The following NEURL1B variants were observed in gnomAD, a reference collection of about 807,000 sequenced individuals.
The protein encoded by NEURL1B is E3 ubiquitin-protein ligase NEURL1B.
In NEURL1B, 13 loss-of-function variants were observed where a neutral mutation model predicts 37.4. The ratio of observed to expected loss-of-function variants is 0.35; its 90% CI spans 0.23 to 0.55. The LOEUF (loss-of-function observed/expected upper bound fraction) is 0.55, where lower values mean the gene tolerates loss of function less well. Ranked by LOEUF, NEURL1B falls within the 20% of genes least tolerant of loss-of-function variation. The pLI is 0.89. For missense variants in NEURL1B, 790 were observed against 879.2 expected, an observed-to-expected ratio of 0.90 and a Z score of 1.28; for synonymous variants, 432 against 426.6, an observed-to-expected ratio of 1.01 and a Z score of -0.16.
chr5:172,684,572 G>A (rs1758446541), intron 3 of NEURL1B, among the ~76,000 whole-genome samples: 1 of 152,152 alleles, frequency 6.6e-6, no homozygotes, highest in Non-Finnish European at 1.5e-5. Context: ...AGTAAGTGTA[G>A]GGAAAAAATA....
chr5:172,659,869 C>G (rs925016354), intron 1 of NEURL1B, among the ~76,000 whole-genome samples: 2 of 152,222 alleles, frequency 1.3e-5, no homozygotes, highest in Non-Finnish European at 2.9e-5. Flanking sequence ...GTCATCCTCC[C>G]AGCCCTGCTT....
chr5:172,670,093 A>G lies in NEURL1B; in HGVS notation c.340A>G (p.Ile114Val). ...HDPSLMSAQD[I>V]PKYACPDLVT... is the part of the protein sequence containing the mutation. The stretch of plus-strand genomic sequence containing the variant: ...TCCGTCGCTCATGAGCGCCCAGGAC[A>G]TCCCCAAGTACGCCTGCCCGGACCT... The change falls in exon 2 of 5, where the codon ATC becomes GTC. Residue 114 changes from isoleucine (I) to valine (V), a missense_variant. Ile to Val is a conservative substitution (Grantham distance 29). Around this residue, in one of 3 missense-constraint regions of NEURL1B, gnomAD observed 215 missense variants for 309.2 expected, o/e 0.70. Coordinates refer to ENST00000369800, the MANE Select transcript of NEURL1B (RefSeq NM_001142651.3). 1 of 1,525,706 alleles carries G rather than the reference A, an allele frequency of 6.6e-7. No homozygotes were observed. The allele number at this position is 1,525,706 out of a possible 1,614,324, so 94.5% of individuals were successfully genotyped here. A position where few individuals can be genotyped will look rare whatever the true frequency, so the allele number is the denominator to read the frequency against.
chr5:172,682,857 CCT>C (rs1178472578), intron 2 of NEURL1B, among the ~76,000 whole-genome samples: 7 of 152,186 alleles, frequency 4.6e-5, no homozygotes, highest in Non-Finnish European at 1.0e-4. Context: ...TTCCCCAACC[CCT>C]CTGTGCCTCA....
Position 172,670,144 on chromosome 5 carries a change from A to G in NEURL1B, c.391A>G (p.Lys131Glu). The G allele has an allele frequency of 6.6e-7, 1 of 1,507,818 alleles. No homozygotes were observed. The highest frequency in any genetic ancestry group is 8.8e-7 in the Non-Finnish European group (1 of 1,134,976). The allele number at this position is 1,507,818 out of a possible 1,614,324, so 93.4% of individuals were successfully genotyped here. The change falls in exon 2 of 5, where the codon AAG becomes GAG. Residue 131 changes from lysine to glutamate, a missense_variant. Lys to Glu is a moderately conservative substitution (Grantham distance 56). Transcript: ENST00000369800. ...DLVTRPGYWA[K>E]ALPENLALRD... Reference sequence around the variant, plus strand: ...GGTCACGCGGCCGGGCTACTGGGCCAAGGCACTGCCCGAGAACCTGGCGCT... The same window carrying G: ...GGTCACGCGGCCGGGCTACTGGGCCGAGGCACTGCCCGAGAACCTGGCGCT...
intron 1 of NEURL1B, 132 bp from the exon 2 acceptor site, chr5:172,669,653 C>G: frequency 1.4e-6 from 1 of 697,350 alleles, no homozygotes; most frequent in East Asian, 4.6e-5. Context: ...AAGCCTGGAA[C>G]CTTCTTAAGT....
intron 2 of NEURL1B, among the ~76,000 whole-genome samples, chr5:172,674,474 G>GT (rs1758190444): frequency 6.6e-6 from 1 of 152,104 alleles, no homozygotes; most frequent in African/African-American, 2.4e-5. Context: ...CACCAAGACG[G>GT]TCAGTGGCAG....
chr5:172,654,312 C>T (rs1189626577), intron 1 of NEURL1B, among the ~76,000 whole-genome samples: 2 of 152,226 alleles, frequency 1.3e-5, no homozygotes, highest in Admixed American at 6.5e-5. Flanking sequence ...AGGCAATTTT[C>T]CTAACTCTGC....
chr5:172,670,273 G>T lies in NEURL1B; in HGVS notation c.520G>T (p.Gly174Cys), dbSNP rs1484742957. The T allele has an allele frequency of 7.2e-7, 1 of 1,389,666 alleles. No individual in the cohort carries two copies. The allele number at this position is 1,389,666 out of a possible 1,614,324, so 86.1% of individuals were successfully genotyped here. A position where few individuals can be genotyped will look rare whatever the true frequency, so the allele number is the denominator to read the frequency against. ...CTTCCACTGCGGCGTGGCCGTGGGC[G>T]GCCCGCTCTGGGCGCTCATTGATGT... ...VLFHCGVAVG[G>C]PLWALIDVYG... The change falls in exon 2 of 5, where the codon GGC becomes TGC. Residue 174 changes from glycine to cysteine, a missense_variant. By Grantham distance (159) the Gly-to-Cys change is radical. Coordinates refer to ENST00000369800, the MANE Select transcript of NEURL1B (RefSeq NM_001142651.3).
chr5:172,684,011 C>G lies in NEURL1B; in HGVS notation c.1170C>G (p.Pro390=), dbSNP rs112592894. Residue 390 remains proline (P), a synonymous_variant, in exon 3 of 5, where the codon CCC becomes CCG. Transcript: ENST00000369800. ...ACGCGCTCAGCTTCACGCTGCGGCC[C>G]GGCGGCGACGTGCTCCTGGGCATCA... ...GGDALSFTLR[P]GGDVLLGING... 12 of 1,334,248 alleles carry G rather than the reference C, an allele frequency of 9.0e-6. No homozygotes were observed. Among genetic ancestry groups the G allele is most frequent in the Admixed American group, 3.6e-5 (1 of 27,826 alleles). The allele number at this position is 1,334,248 out of a possible 1,614,324, so 82.7% of individuals were successfully genotyped here.
In NEURL1B at chr5:172,657,058, C is replaced by T. The variant is rs1248952471; in HGVS notation, c.32-12727C>T. Among the ~76,000 whole-genome samples, 3 of 152,178 alleles carry T rather than the reference C, an allele frequency of 2.0e-5. No homozygotes were observed. Among genetic ancestry groups the T allele is most frequent in the Non-Finnish European group, 4.4e-5 (3 of 68,030 alleles). On this transcript the variant is annotated intron_variant, in intron 1 of 4. Transcript: ENST00000369800. The surrounding 1 kb of genome is among the most constrained non-coding windows in gnomAD (Gnocchi z 4.0). The stretch of plus-strand genomic sequence containing the variant: ...ACTATTTGAGTCAGTCCCTCACGTC[C>T]CCATGATGGATGACTGGTTGGCTAG...
intron 2 of NEURL1B, among the ~76,000 whole-genome samples, chr5:172,682,946 G>A (rs1299994615): frequency 2.6e-5 from 4 of 152,212 alleles, no homozygotes; most frequent in Non-Finnish European, 5.9e-5. Context: ...ATGAGGTAGC[G>A]CGCGAAAGCT....
Position 172,686,078 on chromosome 5 carries a change from G to A in NEURL1B, c.1298-93G>A, listed in dbSNP as rs1758488900. The stretch of plus-strand genomic sequence containing the variant: ...GATACCTCTGGTCCTCTCGTTAGAC[G>A]GGAAAGCTAAGGTGCAAAGCAGTGA... On this transcript the variant is annotated intron_variant, in intron 3 of 4. Transcript: ENST00000369800. The surrounding 1 kb of genome is among the most constrained non-coding windows in gnomAD (Gnocchi z 7.9). 12 of 1,453,448 alleles carry A rather than the reference G, an allele frequency of 8.3e-6. No homozygotes were observed. In the South Asian group the frequency reaches 1.1e-4, roughly 13 times the overall value. 90.0% of individuals were successfully genotyped at this position (1,453,448 alleles called of 1,614,324 possible).
At chr5:172,669,697 C>A in intron 1 of NEURL1B, 88 bp from the exon 2 acceptor site, 1 of 1,008,598 alleles carries the variant, frequency 9.9e-7, no homozygotes, top group Non-Finnish European at 1.3e-6. Context: ...AATGGAATTT[C>A]AAATGAAAAT....
intron 1 of NEURL1B, among the ~76,000 whole-genome samples, chr5:172,646,752 G>C (rs1271750928): frequency 6.6e-6 from 1 of 152,152 alleles, no homozygotes; most frequent in Non-Finnish European, 1.5e-5. Context: ...TCCTGGAGGA[G>C]GTGCGCTCTG....
rs1414688508 is a variant in NEURL1B at position 172,675,302 on chromosome 5, T to C, written c.577+4972T>C. Among the ~76,000 whole-genome samples, 4 of 152,212 alleles carry C rather than the reference T, an allele frequency of 2.6e-5. No individual in the cohort carries two copies. Among genetic ancestry groups the C allele is most frequent in the Non-Finnish European group, 5.9e-5 (4 of 68,036 alleles). On this transcript the variant is annotated intron_variant, in intron 2 of 4. Transcript: ENST00000369800. The surrounding 1 kb of genome is among the most constrained non-coding windows in gnomAD (Gnocchi z 4.7). ...TTTAGGATCTATCTGTACTGTGGTA[T>C]GCCTATCTGGTTCCTTTCTCCCTCG...
chr5:172,683,391 C>T lies in NEURL1B; in HGVS notation c.578-28C>T, dbSNP rs928994296. On this transcript the variant is annotated intron_variant, in intron 2 of 4. Transcript: ENST00000369800. This position sits in a 1 kb window ranked among gnomAD's most constrained non-coding sequence, Gnocchi z 5.6. ...CCAGCCTGACGCGCGGCCTCTCCCC[C>T]TCCATGTCCCTCCCTTTGTCCGCAC... 1.2e-5 allele frequency: 16 copies of T among 1,297,654 alleles called. No individual in the cohort carries two copies. Among genetic ancestry groups the T allele is most frequent in the Non-Finnish European group, 1.6e-5 (16 of 1,017,420 alleles). 80.4% of individuals were successfully genotyped at this position (1,297,654 alleles called of 1,614,324 possible). A position where few individuals can be genotyped will look rare whatever the true frequency, so the allele number is the denominator to read the frequency against.
chr5:172,680,478 G>A (rs1462811238), intron 2 of NEURL1B, among the ~76,000 whole-genome samples: 1 of 152,196 alleles, frequency 6.6e-6, no homozygotes, highest in Non-Finnish European at 1.5e-5. Flanking sequence ...GACTGTGAGT[G>A]GGGCAGGGAG....
Position 172,641,486 on chromosome 5 carries a change from C to T in NEURL1B, c.31+49C>T, listed in dbSNP as rs1757458558. On this transcript the variant is annotated intron_variant, in intron 1 of 4. Transcript: ENST00000369800. This position sits in a 1 kb window ranked among gnomAD's most constrained non-coding sequence, Gnocchi z 6.4. ...GAGGCGGGCGCCGGGCTTCTCTCCTCCGGGGGACCCGCTGGGTGACTCTGG... is the reference window on the plus strand; with the variant it reads ...GAGGCGGGCGCCGGGCTTCTCTCCTTCGGGGGACCCGCTGGGTGACTCTGG... The T allele has an allele frequency of 1.6e-6, 2 of 1,253,562 alleles. No individual in the cohort carries two copies. The highest frequency in any genetic ancestry group is 3.1e-5 in the African/African-American group (2 of 64,384). The allele number at this position is 1,253,562 out of a possible 1,614,324, so 77.7% of individuals were successfully genotyped here.
At position 172,675,030 on chromosome 5, in the gene NEURL1B, C is replaced by A. The variant is rs1395407423; in HGVS notation, c.577+4700C>A. On this transcript the variant is annotated intron_variant, in intron 2 of 4. Coordinates refer to ENST00000369800, the MANE Select transcript of NEURL1B (RefSeq NM_001142651.3). This position sits in a 1 kb window ranked among gnomAD's most constrained non-coding sequence, Gnocchi z 4.7. ...GATGACAGGCGCCTGCCACCACGCC[C>A]GGCTAATTTTTGTATTTTTAGTAAA... Among the ~76,000 whole-genome samples the A allele has an allele frequency of 1.3e-5, 2 of 151,946 alleles. No homozygotes were observed. Among genetic ancestry groups the A allele is most frequent in the African/African-American group, 4.8e-5 (2 of 41,362 alleles).
Sources: gnomAD v4.1 joint callset for allele counts (sites outside exome capture counted in the v4.1 genomes callset) on GRCh38, gnomAD v4.1.1 for gene constraint, gnomAD v4.1.1 regional missense constraint, Gnocchi (gnomAD v3.1) non-coding constraint, MANE v1.5 for transcripts, NCBI Gene and HGNC (gene_info 2026-07-23, HGNC 2026-07-21) for gene names.